The following EHMT2 variants were observed in gnomAD, a reference collection of about 807,000 sequenced individuals.
The protein encoded by EHMT2 is histone-lysine N-methyltransferase EHMT2.
In EHMT2, 59 loss-of-function variants were observed where a neutral mutation model predicts 143.3. The ratio of observed to expected loss-of-function variants is 0.41; its 90% CI spans 0.33 to 0.51. The LOEUF is 0.51. Among genes scored for constraint, EHMT2 ranks in the 20% least tolerant of loss-of-function variants. The pLI is 0.18. For missense variants in EHMT2, 1,174 were observed against 1,645.9 expected (o/e 0.71, Z 4.96); for synonymous variants, 604 against 651.5 (o/e 0.93, Z 1.11).
chr6:31,896,743 G>A (rs772892263), exon 3 of EHMT2: 2 of 1,613,026 alleles, frequency 1.2e-6, no homozygotes, highest in South Asian at 1.1e-5. Flanking sequence ...TGGAGATGAG[G>A]GGCCAGCAGG....
intron 4 of EHMT2, chr6:31,893,507 G>A (rs1267621245): frequency 6.3e-6 from 2 of 315,416 alleles, no homozygotes; most frequent in Admixed American, 8.1e-5. Context: ...TTTTTTTTTT[G>A]GTAGAGAAGA....
Position 31,892,998 on chromosome 6 carries a change from A to G in EHMT2, c.583-88T>C, listed in dbSNP as rs1765907192. ...CTGGAGCCCCAGGCGGGGGTGGGGT[A>G]GTGAGCCACACCTCCAAATGCCATG... On this transcript the variant is annotated intron_variant, in intron 4 of 27. Coordinates refer to ENST00000375537, the Ensembl canonical transcript of EHMT2. 5 of 770,150 alleles carry G rather than the reference A, an allele frequency of 6.5e-6. No homozygotes were observed. The South Asian group carries it at 9.2e-5, about 14-fold the overall frequency. The allele number at this position is 770,150 out of a possible 1,614,324, so 47.7% of individuals were successfully genotyped here.
exon 18 of EHMT2, chr6:31,886,605 T>C (rs1764880114): frequency 4.3e-6 from 7 of 1,613,052 alleles, no homozygotes; most frequent in South Asian, 1.1e-5. Flanking sequence ...CCACCTGTCC[T>C]GTGCTCAGCA....
intron 1 of EHMT2, 127 bp from the exon 2 acceptor site, chr6:31,897,116 C>A (rs745928314): frequency 1.8e-5 from 25 of 1,416,214 alleles, no homozygotes; most frequent in South Asian, 8.3e-5. Flanking sequence ...GGGGCCCCCC[C>A]CTTCCGCGGC....
Position 31,888,136 on chromosome 6 carries a change from C to T in EHMT2, c.1650G>A (p.Arg550=). Residue 550 remains arginine, a synonymous_variant, in exon 13 of 28, where the codon CGG becomes CGA. Coordinates refer to ENST00000375537, the Ensembl canonical transcript of EHMT2. The surrounding 1 kb of genome is among the most constrained non-coding windows in gnomAD (Gnocchi z 7.4). ...CGGCCGGTGGGGTCACCCCGTCACC[C>T]CGGGGGATGGTCACCTCTTGAGCTT... The T allele has an allele frequency of 6.2e-7, 1 of 1,612,450 alleles. No individual in the cohort carries two copies.
rs752862142 is a variant in EHMT2 at position 31,887,760 on chromosome 6, T to C, written c.1928+19A>G. On this transcript the variant is annotated intron_variant, in intron 14 of 27. Transcript: ENST00000375537. ...TGGCCTCAGCCCCAGTTGCTGTGCC[T>C]GAGCAACTCCCCACTCACCTCTCTG... 8 of 1,599,720 alleles carry C rather than the reference T, an allele frequency of 5.0e-6. No homozygotes were observed. In the Admixed American group the frequency reaches 1.3e-4, roughly 27 times the overall value.
At chr6:31,897,259 G>T in intron 1 of EHMT2, 1 of 858,128 alleles carries the variant, frequency 1.2e-6, no homozygotes, top group Non-Finnish European at 1.5e-6. Context: ...CCCCGGCCCC[G>T]CCCCCTCCTC....
chr6:31,888,134 C>T lies in EHMT2; in HGVS notation c.1652G>A (p.Gly551Asp). The T allele has an allele frequency of 1.2e-6, 2 of 1,612,444 alleles. No homozygotes were observed. Among genetic ancestry groups the T allele is most frequent in the East Asian group, 2.2e-5 (1 of 44,868 alleles). The change falls in exon 13 of 28, where the codon GGT becomes GAT. Residue 551 changes from glycine to aspartate, a missense_variant. This residue lies in a region of EHMT2 where 608 missense variants were observed against 903.7 expected (regional missense o/e 0.67). Transcript: ENST00000375537. This position sits in a 1 kb window ranked among gnomAD's most constrained non-coding sequence, Gnocchi z 7.4. Reference sequence around the variant, plus strand: ...GCCGGCCGGTGGGGTCACCCCGTCACCCCGGGGGATGGTCACCTCTTGAGC... The same window carrying T: ...GCCGGCCGGTGGGGTCACCCCGTCATCCCGGGGGATGGTCACCTCTTGAGC...
At position 31,880,861 on chromosome 6, in the gene EHMT2, G is replaced by T; in HGVS notation, c.3277-13C>A. 1 of 1,613,244 alleles carries T rather than the reference G, an allele frequency of 6.2e-7. No individual in the cohort carries two copies. The highest frequency in any genetic ancestry group is 8.5e-7 in the Non-Finnish European group (1 of 1,179,818). ...ACACCTCTCCATCCTGGGGCAGGGG[G>T]ATGGCACTCTTCACATCTCCCCCGA... On this transcript the variant is annotated splice_polypyrimidine_tract_variant and intron_variant, in intron 26 of 27. Transcript: ENST00000375537. The surrounding 1 kb of genome is among the most constrained non-coding windows in gnomAD (Gnocchi z 6.6).
At position 31,883,184 on chromosome 6, in the gene EHMT2, C is replaced by T; in HGVS notation, c.2995-175G>A. The T allele has an allele frequency of 1.2e-6, 1 of 854,964 alleles. No homozygotes were observed. Among genetic ancestry groups the T allele is most frequent in the Non-Finnish European group, 1.9e-6 (1 of 534,272 alleles). 53.0% of individuals were successfully genotyped at this position (854,964 alleles called of 1,614,324 possible). On this transcript the variant is annotated intron_variant, in intron 23 of 27. Coordinates refer to ENST00000375537, the Ensembl canonical transcript of EHMT2. The surrounding 1 kb of genome is among the most constrained non-coding windows in gnomAD (Gnocchi z 5.6). ...CATCCCTGGTTTGCATAGACCTGGG[C>T]ACACGCCCATCGCTGTCCCAGCCAC...
chr6:31,891,540 T>C (rs535549613), intron 7 of EHMT2, among the ~76,000 whole-genome samples: 1 of 152,312 alleles, frequency 6.6e-6, no homozygotes, highest in South Asian at 2.1e-4. Context: ...TGGGTCAAGA[T>C]GGACTGTGTA....
In EHMT2 at chr6:31,880,702, G is replaced by A. The variant is rs1763995520; in HGVS notation, c.3423C>T (p.Ser1141=). The A allele has an allele frequency of 6.2e-7, 1 of 1,613,824 alleles. No individual in the cohort carries two copies. Among genetic ancestry groups the A allele is most frequent in the African/African-American group, 1.3e-5 (1 of 74,912 alleles). ...GCTCCTCCCCAGTCCGGATGTCTCGGGAACTGAAGAAGGCGATGCGTGGAA... is the reference window on the plus strand; with the variant it reads ...GCTCCTCCCCAGTCCGGATGTCTCGAGAACTGAAGAAGGCGATGCGTGGAA... Residue 1141 remains serine, a synonymous_variant, in exon 27 of 28, where the codon TCC becomes TCT. Transcript: ENST00000375537. This position sits in a 1 kb window ranked among gnomAD's most constrained non-coding sequence, Gnocchi z 6.6.
In EHMT2 at chr6:31,893,036, A is replaced by G; in HGVS notation, c.583-126T>C. On this transcript the variant is annotated intron_variant, in intron 4 of 27. Coordinates refer to ENST00000375537, the Ensembl canonical transcript of EHMT2. ...TCCAAATGCCATGTGAGGCTCCAGTAGCCACAAACTGGCAACCACGGGTGC... is the reference window on the plus strand; with the variant it reads ...TCCAAATGCCATGTGAGGCTCCAGTGGCCACAAACTGGCAACCACGGGTGC... 3 of 616,222 alleles carry G rather than the reference A, an allele frequency of 4.9e-6. No individual in the cohort carries two copies. The South Asian group carries it at 6.3e-5, about 13-fold the overall frequency. The allele number at this position is 616,222 out of a possible 1,614,324, so 38.2% of individuals were successfully genotyped here. A position where few individuals can be genotyped will look rare whatever the true frequency, so the allele number is the denominator to read the frequency against.
intron 18 of EHMT2, 47 bp from the exon 19 acceptor site, chr6:31,885,063 C>A (rs752494291): frequency 6.4e-7 from 1 of 1,562,734 alleles, no homozygotes; most frequent in African/African-American, 1.4e-5. Flanking sequence ...GCCCTGCTCA[C>A]CAAAGCAGCA....
Position 31,880,275 on chromosome 6 carries a change from A to G in EHMT2, c.3453-11T>C. The G allele has an allele frequency of 6.2e-7, 1 of 1,605,940 alleles. No homozygotes were observed. The highest frequency in any genetic ancestry group is 8.5e-7 in the Non-Finnish European group (1 of 1,174,240). ...TCGCCATAGTCAAACCTGTCAGAGG[A>G]AAACAGGAGCTTGTGGGACCTGGAC... On this transcript the variant is annotated splice_polypyrimidine_tract_variant and intron_variant, in intron 27 of 27. Coordinates refer to ENST00000375537, the Ensembl canonical transcript of EHMT2. This position sits in a 1 kb window ranked among gnomAD's most constrained non-coding sequence, Gnocchi z 6.6.
exon 14 of EHMT2, chr6:31,887,882 A>T (rs1260551354): frequency 6.2e-7 from 1 of 1,611,676 alleles, no homozygotes; most frequent in African/African-American, 1.3e-5. Context: ...AGGGTCAGGG[A>T]GGGCCCTGAG....
At chr6:31,886,444 TGAG>T in intron 18 of EHMT2, 134 bp downstream of exon 18, 1 of 659,784 alleles carries the variant, frequency 1.5e-6, no homozygotes, top group East Asian at 2.7e-5. Context: ...GAAATACAAA[TGAG>T]GAAGAAGAAA....
Position 31,881,459 on chromosome 6 carries a change from G to T in EHMT2, c.3198-367C>A. 1 of 357,624 alleles carries T rather than the reference G, an allele frequency of 2.8e-6. No individual in the cohort carries two copies. The highest frequency in any genetic ancestry group is 5.3e-6 in the Non-Finnish European group (1 of 188,228). 22.2% of individuals were successfully genotyped at this position (357,624 alleles called of 1,614,324 possible). A position where few individuals can be genotyped will look rare whatever the true frequency, so the allele number is the denominator to read the frequency against. On this transcript the variant is annotated intron_variant, in intron 25 of 27. Coordinates refer to ENST00000375537, the Ensembl canonical transcript of EHMT2. The surrounding 1 kb of genome is among the most constrained non-coding windows in gnomAD (Gnocchi z 4.8). ...GGGGCCAGGACTGCAGGAAGAGCCA[G>T]AGGTACAGGAGTGGCAAGGAACTCA... is the stretch of plus-strand genomic sequence containing the variant.
intron 7 of EHMT2, among the ~76,000 whole-genome samples, chr6:31,891,350 T>C (rs1368885077): frequency 2.5e-5 from 3 of 121,578 alleles, no homozygotes. Flanking sequence ...GGATATTTGA[T>C]GGTATTAAGA....
Sources: gnomAD v4.1 joint callset for allele counts (sites outside exome capture counted in the v4.1 genomes callset) on GRCh38, gnomAD v4.1.1 for gene constraint, gnomAD v4.1.1 regional missense constraint, Gnocchi (gnomAD v3.1) non-coding constraint, MANE v1.5 for transcripts, NCBI Gene and HGNC (gene_info 2026-07-23, HGNC 2026-07-21) for gene names.